LHFPL3: variants seen among roughly 807,000 people sequenced by gnomAD.
LHFPL3 encodes LHFPL tetraspan subfamily member 3 protein.
Under a neutral mutation model 19.3 loss-of-function variants are expected in LHFPL3, and 5 were observed. The observed-to-expected ratio is 0.26, with a 90% CI of 0.14 to 0.54. The LOEUF (loss-of-function observed/expected upper bound fraction) is 0.54, where lower values mean the gene tolerates loss of function less well. Ranked by LOEUF, LHFPL3 falls within the 20% of genes least tolerant of loss-of-function variation. The pLI, the probability that LHFPL3 is intolerant of heterozygous loss-of-function variation, is 0.94. For synonymous variants in LHFPL3, 133 were observed against 126.2 expected (o/e 1.05, Z -0.36); for missense variants, 249 against 307.4 (o/e 0.81, Z 1.42).
intron 1 of LHFPL3, among the ~76,000 whole-genome samples, chr7:104,596,211 C>T (rs866772565): frequency 2.7e-4 from 41 of 152,340 alleles, no homozygotes; most frequent in Middle Eastern, 3.4e-3. Flanking sequence ...ATTTTTATCA[C>T]ATGAGATGCA....
chr7:104,463,652 A>C (rs2115582345), intron 1 of LHFPL3, among the ~76,000 whole-genome samples: 1 of 152,340 alleles, frequency 6.6e-6, no homozygotes. Context: ...CAGGGAGAGA[A>C]GAATGAGAGG....
chr7:104,412,949 C>T (rs1431862515), intron 1 of LHFPL3, among the ~76,000 whole-genome samples: 1 of 152,152 alleles, frequency 6.6e-6, no homozygotes, highest in East Asian at 1.9e-4. Context: ...AAATTTGAAC[C>T]AGTCACCTGC....
chr7:104,906,889 T>C lies in LHFPL3; in HGVS notation c.*674T>C, dbSNP rs1723426701. The C allele has an allele frequency of 6.6e-6, 1 of 152,620 alleles. No homozygotes were observed. Among genetic ancestry groups the C allele is most frequent in the Admixed American group, 6.5e-5 (1 of 15,278 alleles). The allele number at this position is 152,620 out of a possible 1,614,324, so 9.5% of individuals were successfully genotyped here. A position where few individuals can be genotyped will look rare whatever the true frequency, so the allele number is the denominator to read the frequency against. On this transcript the variant is annotated 3_prime_UTR_variant, in exon 3 of 3. Coordinates refer to ENST00000424859, the MANE Select transcript of LHFPL3 (RefSeq NM_199000.3). ...TCCATACAAGTTATTACTGAGAAAG[T>C]GTTTATGCCATATACTATTACTCCA...
intron 2 of LHFPL3, among the ~76,000 whole-genome samples, chr7:104,864,359 C>T (rs1791677377): frequency 7.8e-6 from 1 of 127,504 alleles, no homozygotes; most frequent in Admixed American, 8.0e-5. Context: ...AATTCTCTTT[C>T]CTAGTCAAAA....
chr7:104,508,122 G>A (rs910728102), intron 1 of LHFPL3, among the ~76,000 whole-genome samples: 3 of 151,726 alleles, frequency 2.0e-5, no homozygotes, highest in Non-Finnish European at 4.4e-5. Flanking sequence ...TATACCCAAA[G>A]GACTATAAAT....
chr7:104,671,408 A>G (rs1214054323), intron 1 of LHFPL3, among the ~76,000 whole-genome samples: 2 of 152,028 alleles, frequency 1.3e-5, no homozygotes, highest in Non-Finnish European at 2.9e-5. Flanking sequence ...GGGATTGATT[A>G]ATGTCCCGCT....
At chr7:104,586,216 A>T (rs938370383) in intron 1 of LHFPL3, among the ~76,000 whole-genome samples, 5 of 152,162 alleles carry the variant, frequency 3.3e-5, no homozygotes, top group Non-Finnish European at 7.3e-5. Context: ...AAATTTAAGG[A>T]TGGGGTAGTT....
intron 2 of LHFPL3, among the ~76,000 whole-genome samples, chr7:104,817,123 T>C (rs1790571029): frequency 6.6e-6 from 1 of 152,224 alleles, no homozygotes; most frequent in South Asian, 2.1e-4. Context: ...CTACACACTT[T>C]ATTGGAGTAT....
chr7:104,560,896 G>T (rs1481266692), intron 1 of LHFPL3, among the ~76,000 whole-genome samples: 1 of 149,742 alleles, frequency 6.7e-6, no homozygotes, highest in African/African-American at 2.5e-5. Context: ...TGTTCTCGTT[G>T]GTTTCAAAGA....
At chr7:104,353,349 G>A (rs2116393889) in intron 1 of LHFPL3, among the ~76,000 whole-genome samples, 1 of 152,312 alleles carries the variant, frequency 6.6e-6, no homozygotes, top group Middle Eastern at 3.4e-3. Context: ...GAGACCACAT[G>A]AGGATGGTAA....
At chr7:104,375,470 G>A (rs535076146) in intron 1 of LHFPL3, among the ~76,000 whole-genome samples, 7 of 152,300 alleles carry the variant, frequency 4.6e-5, no homozygotes, top group African/African-American at 1.7e-4. Context: ...AAAATTGAAA[G>A]CTGTAAGCAC....
intron 1 of LHFPL3, among the ~76,000 whole-genome samples, chr7:104,540,441 C>A (rs1247128521): frequency 2.0e-5 from 3 of 152,034 alleles, no homozygotes; most frequent in Non-Finnish European, 2.9e-5. Context: ...TGGGTACAGG[C>A]CATCCTATAA....
At chr7:104,689,014 T>G (rs1039000541) in intron 1 of LHFPL3, among the ~76,000 whole-genome samples, 3 of 152,204 alleles carry the variant, frequency 2.0e-5, no homozygotes, top group African/African-American at 7.2e-5. Context: ...ATTTGCTTGG[T>G]TGGCTGAGTG....
At chr7:104,374,832 C>T (rs1222772707) in intron 1 of LHFPL3, among the ~76,000 whole-genome samples, 1 of 152,056 alleles carries the variant, frequency 6.6e-6, no homozygotes, top group African/African-American at 2.4e-5. Context: ...GTTTTTGTGT[C>T]CTTAGGTCCT....
intron 1 of LHFPL3, among the ~76,000 whole-genome samples, chr7:104,711,957 G>A (rs1452747924): frequency 6.6e-6 from 1 of 152,166 alleles, no homozygotes; most frequent in Non-Finnish European, 1.5e-5. Flanking sequence ...GTGGTATACA[G>A]AATAATCCTC....
intron 1 of LHFPL3, among the ~76,000 whole-genome samples, chr7:104,534,664 T>C (rs1359050619): frequency 6.6e-6 from 1 of 152,234 alleles, no homozygotes; most frequent in Non-Finnish European, 1.5e-5. Flanking sequence ...CAGTGCTATT[T>C]CTGTAGAGTA....
chr7:104,558,593 A>G (rs1260301458), intron 1 of LHFPL3, among the ~76,000 whole-genome samples: 12,249 of 145,572 alleles, frequency 0.084, 1,169 homozygotes, highest in African/African-American at 0.24. Flanking sequence ...TTTGTCAGAT[A>G]AGTAGGTTGC....
chr7:104,784,121 C>T (rs1336794548), intron 2 of LHFPL3, among the ~76,000 whole-genome samples: 1 of 152,164 alleles, frequency 6.6e-6, no homozygotes, highest in East Asian at 1.9e-4. Flanking sequence ...GAATTTGGGG[C>T]TGGAATTGCC....
At chr7:104,798,283 G>A (rs1235580858) in intron 2 of LHFPL3, 1 of 152,170 alleles carries the variant, frequency 6.6e-6, no homozygotes, top group Non-Finnish European at 1.5e-5. Flanking sequence ...TCTACATTCT[G>A]TTAAGTATTT....
Sources: gnomAD v4.1 joint callset for allele counts (sites outside exome capture counted in the v4.1 genomes callset) on GRCh38, gnomAD v4.1.1 for gene constraint, MANE v1.5 for transcripts, NCBI Gene and HGNC (gene_info 2026-07-23, HGNC 2026-07-21) for gene names.